The following EED variants were observed in gnomAD, a reference collection of about 807,000 sequenced individuals.
The protein encoded by EED is embryonic ectoderm development, also known as polycomb protein EED.
In EED, 9 loss-of-function variants were observed where a neutral mutation model predicts 61.0. That is an observed-to-expected ratio of 0.15 (90% CI 0.09 to 0.26). The LOEUF is 0.26. Among genes scored for constraint, EED ranks in the 10% least tolerant of loss-of-function variants. The pLI is 1.00. For synonymous variants in EED, 187 were observed against 174.4 expected (o/e 1.07, Z -0.57); for missense variants, 315 against 542.3 (o/e 0.58, Z 4.16).
chr11:86,286,890 T>C, the EED span, among the ~76,000 whole-genome samples: 3 of 143,112 alleles, frequency 2.1e-5, no homozygotes, highest in Non-Finnish European at 4.5e-5. Context: ...GAGAATGGTG[T>C]GAACCCGGGA....
chr11:86,247,231 G>T (rs1945413577), intron 1 of EED, among the ~76,000 whole-genome samples: 1 of 152,174 alleles, frequency 6.6e-6, no homozygotes, highest in Admixed American at 6.5e-5. Context: ...CCTCCATTTG[G>T]ATAGCCTTAA....
In EED at chr11:86,252,171, T is replaced by C. The variant is rs1945549291; in HGVS notation, c.291T>C (p.Phe97=). Residue 97 remains phenylalanine, a synonymous_variant, in exon 3 of 12, where the codon TTT becomes TTC. Transcript: ENST00000263360. ...AGGAAGATCATAACCAACCATTGTT[T>C]GGAGTTCAGTTTAACTGGCACAGTA... ...SLKEDHNQPL[F]GVQFNWHSKE... 6.2e-7 allele frequency: 1 copy of C among 1,612,196 alleles called. No homozygotes were observed. The highest frequency in any genetic ancestry group is 2.2e-5 in the East Asian group (1 of 44,760).
chr11:86,265,201 A>G (rs763081437), intron 7 of EED: 1 of 152,222 alleles, frequency 6.6e-6, no homozygotes, highest in Non-Finnish European at 1.5e-5. Context: ...TGTGAATTCA[A>G]TAAACATCAA....
At chr11:86,285,346 G>A in the EED span, among the ~76,000 whole-genome samples, 1 of 152,060 alleles carries the variant, frequency 6.6e-6, no homozygotes, top group African/African-American at 2.4e-5. Context: ...CTTGAGCCCA[G>A]GAGGCTGAGG....
At chr11:86,256,298 C>G in intron 4 of EED, 89 bp from the exon 5 acceptor site, 2 of 1,294,564 alleles carry the variant, frequency 1.5e-6, no homozygotes, top group South Asian at 2.1e-5. Flanking sequence ...GTGTCAAAAA[C>G]TTTAGCAGTT....
intron 6 of EED, among the ~76,000 whole-genome samples, chr11:86,263,447 T>G (rs1297550652): frequency 6.6e-6 from 1 of 152,244 alleles, no homozygotes; most frequent in Non-Finnish European, 1.5e-5. Context: ...GTACCAACAT[T>G]CTGTCTGAGT....
At chr11:86,249,382 A>G (rs1049832081) in intron 1 of EED, among the ~76,000 whole-genome samples, 97 of 54,756 alleles carry the variant, frequency 1.8e-3, no homozygotes, top group African/African-American at 6.3e-3. Flanking sequence ...CATTTCATGG[A>G]AAAAAAAAAA....
intron 3 of EED, 106 bp from the exon 4 acceptor site, chr11:86,255,116 C>A: frequency 1.2e-6 from 1 of 832,100 alleles, no homozygotes. Context: ...GCAGTAGTTT[C>A]TGTAGTATAT....
intron 2 of EED, 101 bp from the exon 3 acceptor site, chr11:86,252,047 T>C: frequency 1.4e-6 from 1 of 731,244 alleles, no homozygotes; most frequent in East Asian, 2.7e-5. Flanking sequence ...CACAAAATAA[T>C]GTATTGCATT....
chr11:86,283,904 A>T, the EED span: 1 of 151,900 alleles, frequency 6.6e-6, no homozygotes, highest in African/African-American at 2.4e-5. Flanking sequence ...AGAGGTAATT[A>T]TCTTACTTGC....
chr11:86,261,540 C>T (rs542343020), intron 6 of EED, among the ~76,000 whole-genome samples: 1 of 152,314 alleles, frequency 6.6e-6, no homozygotes, highest in East Asian at 1.9e-4. Context: ...GGCTTTTTCC[C>T]CATGGCTCCA....
chr11:86,256,996 G>A (rs1232431320), intron 5 of EED, among the ~76,000 whole-genome samples: 1 of 151,736 alleles, frequency 6.6e-6, no homozygotes, highest in Non-Finnish European at 1.5e-5. Context: ...TGGAGCCTCC[G>A]CTAATCCGAT....
rs192253865 is a variant in EED, at chr11:86,255,553, A to G, written c.426+266A>G. On this transcript the variant is annotated intron_variant, in intron 4 of 11. Transcript: ENST00000263360. ...TGGTTGGGTGCAGATGTCTATAGAG[A>G]TAGGAGCATTAGAAATCTAGTAATA... Among the ~76,000 whole-genome samples the G allele has an allele frequency of 4.7e-3, 710 of 152,234 alleles. 1 individual carries two copies. The highest frequency in any genetic ancestry group is 0.01 in the Middle Eastern group (3 of 294).
At chr11:86,280,627 TTA>T (rs1371096176), downstream of EED, among the ~76,000 whole-genome samples, 3 of 152,128 alleles carry the variant, frequency 2.0e-5, no homozygotes, top group East Asian at 5.8e-4. Flanking sequence ...CAAGAAGAAA[TTA>T]TATATATGTC....
chr11:86,278,455 G>A lies in EED; in HGVS notation c.1256G>A (p.Ser419Asn). Residue 419 changes from serine to asparagine, a missense_variant, in exon 12 of 12, where the codon AGC becomes AAC. Physicochemically the swap from Ser to Asn is conservative, Grantham distance 46 (BLOSUM62 1). Coordinates refer to ENST00000263360, the MANE Select transcript of EED (RefSeq NM_003797.5). ...CGAAIRQTSF[S>N]RDSSILIAVC... Reference sequence around the variant, plus strand: ...GCTGCTATTCGACAAACCAGTTTTAGCAGGGATAGCAGCATTCTTATAGCT... The same window carrying A: ...GCTGCTATTCGACAAACCAGTTTTAACAGGGATAGCAGCATTCTTATAGCT... The A allele has an allele frequency of 6.2e-7, 1 of 1,613,608 alleles. No homozygotes were observed. Among genetic ancestry groups the A allele is most frequent in the East Asian group, 2.2e-5 (1 of 44,872 alleles).
chr11:86,260,593 C>T (rs764696158), intron 6 of EED, among the ~76,000 whole-genome samples: 4 of 152,098 alleles, frequency 2.6e-5, no homozygotes, highest in Non-Finnish European at 4.4e-5. Context: ...GAGGGACTGT[C>T]ATTCTATAAA....
chr11:86,274,864 G>A (rs1055673746), intron 9 of EED, among the ~76,000 whole-genome samples: 1 of 152,216 alleles, frequency 6.6e-6, no homozygotes, highest in African/African-American at 2.4e-5. Context: ...TAGGCACTTG[G>A]GGTGCTTAGT....
chr11:86,287,543 T>TA, the EED span, among the ~76,000 whole-genome samples: 6 of 152,212 alleles, frequency 3.9e-5, no homozygotes, highest in Non-Finnish European at 8.8e-5. Flanking sequence ...TGATTTCTCT[T>TA]ACATTTCTGC....
intron 5 of EED, among the ~76,000 whole-genome samples, chr11:86,256,735 T>C (rs1199672892): frequency 6.6e-6 from 1 of 152,234 alleles, no homozygotes; most frequent in African/African-American, 2.4e-5. Flanking sequence ...AGTGCTTTCT[T>C]TTTAAATCAT....
Sources: allele counts gnomAD v4.1 joint callset (sites outside exome capture counted in the v4.1 genomes callset), GRCh38; gene constraint gnomAD v4.1.1; transcripts MANE v1.5; gene names NCBI Gene and HGNC (gene_info 2026-07-23, HGNC 2026-07-21).